Variants in MCPH1 observed in about 807,000 individuals in gnomAD.
MCPH1 encodes microcephalin.
Under a neutral mutation model 84.5 loss-of-function variants are expected in MCPH1, and 104 were observed. The observed-to-expected ratio is 1.23, with a 90% confidence interval of 1.05 to 1.45. MCPH1 has a LOEUF of 1.45. MCPH1 is among the 40% of genes most tolerant of loss of function. MCPH1 has a pLI of 0.00. For synonymous variants in MCPH1, 514 were observed against 366.8 expected, an observed-to-expected ratio of 1.40 and a Z score of -4.58; for missense variants, 1,498 against 1,005.7, an observed-to-expected ratio of 1.49 and a Z score of -6.62.
rs1357840750 is a variant in MCPH1 at position 6,648,488 on chromosome 8, A to G, written c.*5439A>G. On this transcript the variant is annotated 3_prime_UTR_variant, in exon 14 of 14. Transcript: ENST00000344683. The stretch of plus-strand genomic sequence containing the variant: ...TAGAACAAAAGTGGAATAAATAAAA[A>G]CTAACTGTCTCATTTCAGCACTGGC... The G allele has an allele frequency of 7.0e-6, 1 of 142,872 alleles. No homozygotes were observed. Among genetic ancestry groups the G allele is most frequent in the Admixed American group, 7.1e-5 (1 of 14,180 alleles). 8.9% of individuals were successfully genotyped at this position (142,872 alleles called of 1,614,324 possible).
intron 11 of MCPH1, among the ~76,000 whole-genome samples, chr8:6,496,441 G>A (rs1258598066): frequency 6.6e-6 from 1 of 152,118 alleles, no homozygotes; most frequent in Non-Finnish European, 1.5e-5. Flanking sequence ...GCCACAGACT[G>A]GTACCAGGAC....
chr8:6,448,881 C>T (rs1279080248), intron 8 of MCPH1, among the ~76,000 whole-genome samples: 1 of 152,078 alleles, frequency 6.6e-6, no homozygotes, highest in African/African-American at 2.4e-5. Flanking sequence ...TGTAGGTACT[C>T]ATGAGATGAT....
chr8:6,521,909 G>C (rs1471056650), intron 12 of MCPH1, among the ~76,000 whole-genome samples: 2 of 152,168 alleles, frequency 1.3e-5, no homozygotes, highest in Non-Finnish European at 1.5e-5. Context: ...TTCATGGGGA[G>C]GTGAATACTT....
intron 11 of MCPH1, among the ~76,000 whole-genome samples, chr8:6,483,829 C>T (rs531729614): frequency 2.6e-5 from 4 of 152,176 alleles, no homozygotes; most frequent in Non-Finnish European, 5.9e-5. Flanking sequence ...CACTGCACTG[C>T]AGCCTGGGTG....
At chr8:6,633,817 G>A (rs1378871018) in intron 13 of MCPH1, among the ~76,000 whole-genome samples, 2 of 152,192 alleles carry the variant, frequency 1.3e-5, no homozygotes, top group African/African-American at 2.4e-5. Context: ...ATTCTCTGCA[G>A]TGTCATGTAA....
At chr8:6,480,128 C>CT (rs751438919) in intron 10 of MCPH1, among the ~76,000 whole-genome samples, 2,201 of 142,154 alleles carry the variant, frequency 0.015, 48 homozygotes, top group African/African-American at 0.049. Flanking sequence ...TTCTTTTTTT[C>CT]TTTTTTTTTT....
rs144553969 is a variant in MCPH1, at chr8:6,443,321, T to G, written c.671-1072T>G. Among the ~76,000 whole-genome samples the G allele has an allele frequency of 2.2e-3, 327 of 151,760 alleles. 2 individuals carry two copies. The highest frequency in any genetic ancestry group is 7.8e-3 in the African/African-American group (319 of 41,044). Reference sequence around the variant, plus strand: ...AAGTGTGATAAAACATAAAACAATTTTAGGTGCTGAATAAGATATATTGAG... The same window carrying G: ...AAGTGTGATAAAACATAAAACAATTGTAGGTGCTGAATAAGATATATTGAG... On this transcript the variant is annotated intron_variant, in intron 7 of 13. Transcript: ENST00000344683.
chr8:6,470,483 C>T (rs940051130), intron 9 of MCPH1, among the ~76,000 whole-genome samples: 1 of 152,154 alleles, frequency 6.6e-6, no homozygotes, highest in African/African-American at 2.4e-5. Flanking sequence ...TAGGGTTTCA[C>T]CATGTTGGCC....
rs2129573474 is a variant in MCPH1 at position 6,539,815 on chromosome 8, G to C, written c.2214+39886G>C. 2.0e-5 allele frequency among the ~76,000 whole-genome samples: 3 copies of C among 152,300 alleles called. No individual in the cohort carries two copies. The East Asian group carries it at 5.8e-4, about 29-fold the overall frequency. Reference sequence around the variant, plus strand: ...TTGGTCAGGCTGGTCTGAAACTCCTGACATCAGGCCATCTGCCTGCCTTGG... The same window carrying C: ...TTGGTCAGGCTGGTCTGAAACTCCTCACATCAGGCCATCTGCCTGCCTTGG... On this transcript the variant is annotated intron_variant, in intron 12 of 13. Transcript: ENST00000344683.
rs1798191456 is a variant in MCPH1, at chr8:6,645,803, G to A, written c.*2754G>A. ...ATTGCATCTAAAAATAAACAAAATA[G>A]GAATAGACTTGGCAACAGTTGTAAC... On this transcript the variant is annotated 3_prime_UTR_variant, in exon 14 of 14. Transcript: ENST00000344683. 6.6e-6 allele frequency: 1 copy of A among 151,986 alleles called. No individual in the cohort carries two copies. The highest frequency in any genetic ancestry group is 6.6e-5 in the Admixed American group (1 of 15,266). The allele number at this position is 151,986 out of a possible 1,614,324, so 9.4% of individuals were successfully genotyped here. A position where few individuals can be genotyped will look rare whatever the true frequency, so the allele number is the denominator to read the frequency against.
chr8:6,530,918 C>T (rs2515475), intron 12 of MCPH1, among the ~76,000 whole-genome samples: 28,263 of 152,094 alleles, frequency 0.19, 3,300 homozygotes, highest in African/African-American at 0.33. Flanking sequence ...TCCTGGCTGA[C>T]GTCTAGCATT....
intron 11 of MCPH1, among the ~76,000 whole-genome samples, chr8:6,488,159 C>G (rs942053997): frequency 6.6e-6 from 1 of 152,244 alleles, no homozygotes; most frequent in Non-Finnish European, 1.5e-5. Flanking sequence ...GCTGCGGCAG[C>G]GTGGCCTCTG....
rs953339618 is a variant in MCPH1 at position 6,406,769 on chromosome 8, C to A, written c.22+80C>A. The A allele has an allele frequency of 9.9e-6, 15 of 1,515,266 alleles. No individual in the cohort carries two copies. The African/African-American group carries it at 1.4e-4, about 14-fold the overall frequency. 93.9% of individuals were successfully genotyped at this position (1,515,266 alleles called of 1,614,324 possible). ...CTCGTCGCGGGCGCACTCGGGGGATCCCGTGGGAGGAGCCCCGCTCGCCCC... is the reference window on the plus strand; with the variant it reads ...CTCGTCGCGGGCGCACTCGGGGGATACCGTGGGAGGAGCCCCGCTCGCCCC... On this transcript the variant is annotated intron_variant, in intron 1 of 13. Transcript: ENST00000344683.
Position 6,438,621 on chromosome 8 carries a change from C to A in MCPH1, c.437-332C>A, listed in dbSNP as rs79811015. 5.0e-3 allele frequency among the ~76,000 whole-genome samples: 761 copies of A among 152,320 alleles called. 3 individuals are homozygous for A. The highest frequency in any genetic ancestry group is 0.016 in the African/African-American group (665 of 41,580). On this transcript the variant is annotated intron_variant, in intron 5 of 13. Coordinates refer to ENST00000344683, the MANE Select transcript of MCPH1 (RefSeq NM_024596.5). ...AAACAGAAACTAAATTGCATTCCAG[C>A]TTTACAACTTTTAACTTCTGTGTCT...
intron 12 of MCPH1, among the ~76,000 whole-genome samples, chr8:6,580,331 C>T (rs374809123): frequency 1.3e-5 from 2 of 152,146 alleles, no homozygotes; most frequent in Admixed American, 6.5e-5. Flanking sequence ...CTGATACAGC[C>T]GGTTGCCCTT....
intron 12 of MCPH1, chr8:6,527,799 A>C: frequency 1.1e-6 from 1 of 936,276 alleles, no homozygotes; most frequent in East Asian, 2.8e-5. Flanking sequence ...TATTAACCCA[A>C]GTATCTTATT....
At chr8:6,535,985 A>G (rs559916844) in intron 12 of MCPH1, among the ~76,000 whole-genome samples, 16 of 152,238 alleles carry the variant, frequency 1.1e-4, no homozygotes, top group African/African-American at 3.9e-4. Flanking sequence ...TGAGCCCAGG[A>G]GAGCAAGGCT....
chr8:6,480,816 T>G lies in MCPH1; in HGVS notation c.2076T>G (p.Leu692=). 1.2e-6 allele frequency: 2 copies of G among 1,614,226 alleles called. No individual in the cohort carries two copies. Among genetic ancestry groups the G allele is most frequent in the African/African-American group, 2.7e-5 (2 of 75,062 alleles). ...TTTHVLSGKP[L]RTLNVLLGIA... ...CTCACGTGCTTTCCGGGAAGCCACTTCGCACCCTGAATGTGCTGCTGGGAA... is the reference window on the plus strand; with the variant it reads ...CTCACGTGCTTTCCGGGAAGCCACTGCGCACCCTGAATGTGCTGCTGGGAA... Residue 692 remains leucine, a synonymous_variant, in exon 11 of 14, where the codon CTT becomes CTG. Coordinates refer to ENST00000344683, the MANE Select transcript of MCPH1 (RefSeq NM_024596.5).
chr8:6,416,457 C>T (rs926853816), intron 3 of MCPH1, among the ~76,000 whole-genome samples: 2 of 152,106 alleles, frequency 1.3e-5, no homozygotes, highest in Non-Finnish European at 2.9e-5. Flanking sequence ...GTGTAAATGT[C>T]CTTTTTTAGG....
Sources: gnomAD v4.1 joint callset for allele counts (sites outside exome capture counted in the v4.1 genomes callset) on GRCh38, gnomAD v4.1.1 for gene constraint, MANE v1.5 for transcripts, NCBI Gene and HGNC (gene_info 2026-07-23, HGNC 2026-07-21) for gene names.